The following NKX6-2 variants were observed in gnomAD, a reference collection of about 807,000 sequenced individuals.
NKX6-2 encodes the protein NK6 homeobox 2, also known as homeobox protein Nkx-6.2.
Under a neutral mutation model 19.9 loss-of-function variants are expected in NKX6-2, and 22 were observed. The observed-to-expected ratio is 1.10, with a 90% CI of 0.79 to 1.58. The LOEUF (loss-of-function observed/expected upper bound fraction) is 1.58, where lower values mean the gene tolerates loss of function less well. Among genes scored for constraint, NKX6-2 ranks in the 40% most tolerant of loss-of-function variants. The pLI, the probability that NKX6-2 is intolerant of heterozygous loss-of-function variation, is 0.00. For missense variants in NKX6-2, 475 were observed against 410.6 expected (o/e 1.16, Z -1.35); for synonymous variants, 257 against 204.0 (o/e 1.26, Z -2.21).
rs776578386 is a variant in NKX6-2, at chr10:132,785,375, C to T, written c.484G>A (p.Ala162Thr). 7.5e-6 allele frequency: 12 copies of T among 1,605,368 alleles called. No homozygotes were observed. In the African/African-American group the frequency reaches 1.2e-4, roughly 16 times the overall value. ...RPTFSGQQIF[A>T]LEKTFEQTKY... ...GTCTGCTCGAAGGTTTTCTCCAGCGCGAAGATCTGCTGGCCCGAGAAGGTC... is the reference window on the plus strand; with the variant it reads ...GTCTGCTCGAAGGTTTTCTCCAGCGTGAAGATCTGCTGGCCCGAGAAGGTC... Residue 162 changes from alanine to threonine, a missense_variant, in exon 2 of 3, where the codon GCG (alanine) becomes ACG (threonine). Physicochemically the swap from Ala to Thr is moderately conservative, Grantham distance 58 (BLOSUM62 0). Transcript: ENST00000368592. This position sits in a 1 kb window ranked among gnomAD's most constrained non-coding sequence, Gnocchi z 5.5.
At position 132,784,336 on chromosome 10, in the gene NKX6-2, A is replaced by G. The variant is rs550386238; in HGVS notation, c.*580T>C. On this transcript the variant is annotated 3_prime_UTR_variant, in exon 3 of 3. Transcript: ENST00000368592. ...CACCGGCTGAGCCCAGGGCGGGCCT[A>G]TGGGATCCGCTGATGCGCAGAGGGA... The G allele has an allele frequency of 2.6e-5, 4 of 152,436 alleles. No homozygotes were observed. Among genetic ancestry groups the G allele is most frequent in the Admixed American group, 2.0e-4 (3 of 15,294 alleles). The allele number at this position is 152,436 out of a possible 1,614,324, so 9.4% of individuals were successfully genotyped here. A position where few individuals can be genotyped will look rare whatever the true frequency, so the allele number is the denominator to read the frequency against.
rs536496660 is a variant in NKX6-2 at position 132,785,379 on chromosome 10, G to C, written c.480C>G (p.Ile160Met). The change falls in exon 2 of 3, where the codon ATC (isoleucine) becomes ATG (methionine). Residue 160 changes from isoleucine to methionine, a missense_variant. Physicochemically the swap from Ile to Met is conservative, Grantham distance 10 (BLOSUM62 1). Transcript: ENST00000368592. This position sits in a 1 kb window ranked among gnomAD's most constrained non-coding sequence, Gnocchi z 5.5. ...HSRPTFSGQQ[I>M]FALEKTFEQT... Reference sequence around the variant, plus strand: ...GCTCGAAGGTTTTCTCCAGCGCGAAGATCTGCTGGCCCGAGAAGGTCGGGC... The same window carrying C: ...GCTCGAAGGTTTTCTCCAGCGCGAACATCTGCTGGCCCGAGAAGGTCGGGC... The C allele has an allele frequency of 1.2e-6, 2 of 1,605,538 alleles. No individual in the cohort carries two copies. Among genetic ancestry groups the C allele is most frequent in the South Asian group, 1.1e-5 (1 of 90,148 alleles).
rs746458089 is a variant in NKX6-2 at position 132,785,438 on chromosome 10, C to T, written c.421G>A (p.Val141Ile). ...RLAGPAPAGG[V>I]LDKDGKKKHS... Reference sequence around the variant, plus strand: ...TTCTTCTTCCCGTCCTTGTCCAGGACGCCGCCGGCCGGGGCTGCAAGGGAG... The same window carrying T: ...TTCTTCTTCCCGTCCTTGTCCAGGATGCCGCCGGCCGGGGCTGCAAGGGAG... The change falls in exon 2 of 3, where the codon GTC (valine) becomes ATC (isoleucine). Residue 141 changes from valine to isoleucine, a missense_variant. Coordinates refer to ENST00000368592, the MANE Select transcript of NKX6-2 (RefSeq NM_177400.3). This position sits in a 1 kb window ranked among gnomAD's most constrained non-coding sequence, Gnocchi z 5.5. 2.0e-5 allele frequency: 31 copies of T among 1,585,028 alleles called. No homozygotes were observed. The African/African-American group carries it at 2.4e-4, about 12-fold the overall frequency.
In NKX6-2 at chr10:132,785,736, C is replaced by A; in HGVS notation, c.213G>T (p.Ala71=). The change falls in exon 1 of 3, where the codon GCG becomes GCT. Residue 71 remains alanine, a synonymous_variant. Coordinates refer to ENST00000368592, the MANE Select transcript of NKX6-2 (RefSeq NM_177400.3). This position sits in a 1 kb window ranked among gnomAD's most constrained non-coding sequence, Gnocchi z 5.5. ...GCAGCCCCCCCAGGAGGCCCCCGCC[C>A]GCCGCGCCCACGGGCCGGCCCAGGA... The part of the protein sequence containing the change: ...SDILGRPVGA[A]GGGLLGGLPR... The A allele has an allele frequency of 1.6e-6, 2 of 1,232,154 alleles. No individual in the cohort carries two copies. Among genetic ancestry groups the A allele is most frequent in the Non-Finnish European group, 1.0e-6 (1 of 989,872 alleles). The allele number at this position is 1,232,154 out of a possible 1,614,324, so 76.3% of individuals were successfully genotyped here.
rs1171602605 is a variant in NKX6-2 at position 132,786,080 on chromosome 10, GGCGGGCGGCTCC to G, written c.-144_-133del. 6.6e-6 allele frequency: 1 copy of G among 151,534 alleles called. No homozygotes were observed. 9.4% of individuals were successfully genotyped at this position (151,534 alleles called of 1,614,324 possible). A position where few individuals can be genotyped will look rare whatever the true frequency, so the allele number is the denominator to read the frequency against. On this transcript the variant is annotated 5_prime_UTR_variant, in exon 1 of 3. Coordinates refer to ENST00000368592, the MANE Select transcript of NKX6-2 (RefSeq NM_177400.3). ...CGCGGGGCGCGGGGCGCGGGGGGCG[GGCGGGCGGCTCC>G]GGCGCGGGGCGGGCGGGCGGGCGGC...
Position 132,785,222 on chromosome 10 carries a change from G to C in NKX6-2, c.580-52C>G, listed in dbSNP as rs1554961031. On this transcript the variant is annotated intron_variant, in intron 2 of 2. Transcript: ENST00000368592. The surrounding 1 kb of genome is among the most constrained non-coding windows in gnomAD (Gnocchi z 5.5). ...GCCGCGGGGCCCGGGGCTGGCGCTG[G>C]GGCCGTTCGCAGGACGCGGGCCCCC... is the stretch of plus-strand genomic sequence containing the variant. The C allele has an allele frequency of 1.3e-6, 2 of 1,582,172 alleles. No individual in the cohort carries two copies. The highest frequency in any genetic ancestry group is 1.7e-6 in the Non-Finnish European group (2 of 1,165,704).
Position 132,784,234 on chromosome 10 carries a change from G to A in NKX6-2, c.*682C>T, listed in dbSNP as rs967561417. 2.6e-5 allele frequency: 4 copies of A among 152,294 alleles called. No homozygotes were observed. The highest frequency in any genetic ancestry group is 4.8e-5 in the African/African-American group (2 of 41,478). 9.4% of individuals were successfully genotyped at this position (152,294 alleles called of 1,614,324 possible). A position where few individuals can be genotyped will look rare whatever the true frequency, so the allele number is the denominator to read the frequency against. On this transcript the variant is annotated 3_prime_UTR_variant, in exon 3 of 3. Transcript: ENST00000368592. ...TTCTCTTTGCGGTCCTAGTTCGGAA[G>A]AAACTGCTTTCCACCGCGGGAAGAT...
In NKX6-2 at chr10:132,785,727, GC is replaced by G; in HGVS notation, c.221del (p.Gly74AlafsTer114). The stretch of plus-strand genomic sequence containing the variant: ...TGAGCCGGGGCAGCCCCCCCAGGAG[GC>G]CCCCGCCCGCCGCGCCCACGGGCCG... The part of the protein sequence containing the change: ...LGRPVGAAGG[G>X]LLGGLPRLNG... On this transcript the variant is annotated frameshift_variant, in exon 1 of 3. Coordinates refer to ENST00000368592, the MANE Select transcript of NKX6-2 (RefSeq NM_177400.3). LOFTEE classifies it high-confidence loss of function. The surrounding 1 kb of genome is among the most constrained non-coding windows in gnomAD (Gnocchi z 5.5). The G allele has an allele frequency of 1.6e-6, 2 of 1,230,592 alleles. No homozygotes were observed. Among genetic ancestry groups the G allele is most frequent in the South Asian group, 3.4e-5 (1 of 29,322 alleles). The allele number at this position is 1,230,592 out of a possible 1,614,324, so 76.2% of individuals were successfully genotyped here.
Position 132,784,809 on chromosome 10 carries a change from C to T in NKX6-2, c.*107G>A, listed in dbSNP as rs2134705509. ...GGCGCAGGCTCCGGAGCGACGGCTC[C>T]GACGGGGACCCGTTAAATAATTTAT... is the stretch of plus-strand genomic sequence containing the variant. On this transcript the variant is annotated 3_prime_UTR_variant, in exon 3 of 3. Coordinates refer to ENST00000368592, the MANE Select transcript of NKX6-2 (RefSeq NM_177400.3). 4 of 848,298 alleles carry T rather than the reference C, an allele frequency of 4.7e-6. No homozygotes were observed. The highest frequency in any genetic ancestry group is 7.1e-4 in the Middle Eastern group (2 of 2,812). The allele number at this position is 848,298 out of a possible 1,614,324, so 52.5% of individuals were successfully genotyped here.
chr10:132,785,914 C>A lies in NKX6-2; in HGVS notation c.35G>T (p.Ser12Ile). ...DTNRPGAFVL[S>I]SAPLAALHNM... ...GTGCAGCGCGGCCAGCGGGGCACTG[C>A]TCAGCACGAACGCGCCCGGGCGGTT... The change falls in exon 1 of 3, where the codon AGC becomes ATC. Residue 12 changes from serine (S) to isoleucine (I), a missense_variant. Ser to Ile is a moderately radical substitution (Grantham distance 142). Coordinates refer to ENST00000368592, the MANE Select transcript of NKX6-2 (RefSeq NM_177400.3). This position sits in a 1 kb window ranked among gnomAD's most constrained non-coding sequence, Gnocchi z 5.5. 1 of 1,351,820 alleles carries A rather than the reference C, an allele frequency of 7.4e-7. No individual in the cohort carries two copies. The highest frequency in any genetic ancestry group is 9.8e-7 in the Non-Finnish European group (1 of 1,024,756). 83.7% of individuals were successfully genotyped at this position (1,351,820 alleles called of 1,614,324 possible).
In NKX6-2 at chr10:132,785,523, C is replaced by T. The variant is rs1847252993; in HGVS notation, c.406+20G>A. The stretch of plus-strand genomic sequence containing the variant: ...CCCTCCGCGCCCACCCGCCCCGCAC[C>T]CCCCGCGCGGGCCACTCACCCGGGC... On this transcript the variant is annotated intron_variant, in intron 1 of 2. Coordinates refer to ENST00000368592, the MANE Select transcript of NKX6-2 (RefSeq NM_177400.3). The surrounding 1 kb of genome is among the most constrained non-coding windows in gnomAD (Gnocchi z 5.5). The T allele has an allele frequency of 2.2e-6, 3 of 1,386,930 alleles. No individual in the cohort carries two copies. Among genetic ancestry groups the T allele is most frequent in the East Asian group, 3.0e-5 (1 of 33,492 alleles). 85.9% of individuals were successfully genotyped at this position (1,386,930 alleles called of 1,614,324 possible).
In NKX6-2 at chr10:132,785,883, CATGTT is replaced by C. The variant is rs1847259679; in HGVS notation, c.61_65del (p.Asn21GlyfsTer437). ...GGAACAGCGACGTCTTCATCTCGGC[CATGTT>C]GTGCAGCGCGGCCAGCGGGGCACTG... On this transcript the variant is annotated frameshift_variant, in exon 1 of 3. Coordinates refer to ENST00000368592, the MANE Select transcript of NKX6-2 (RefSeq NM_177400.3). LOFTEE classifies it high-confidence loss of function. The surrounding 1 kb of genome is among the most constrained non-coding windows in gnomAD (Gnocchi z 5.5). The C allele has an allele frequency of 2.1e-6, 3 of 1,395,686 alleles. No homozygotes were observed. The highest frequency in any genetic ancestry group is 4.5e-5 in the Admixed American group (2 of 44,566). 86.5% of individuals were successfully genotyped at this position (1,395,686 alleles called of 1,614,324 possible).
In NKX6-2 at chr10:132,784,954, C is replaced by T. The variant is rs1006895085; in HGVS notation, c.796G>A (p.Val266Ile). ...CCCGCGCCGCCGCCGCACGGGCTGA[C>T]CAGCGCCAAGTTCGAGGGTTTGTGC... The part of the protein sequence containing the change: ...KKHKPSNLAL[V>I]SPCGGGAGDA... Residue 266 changes from valine to isoleucine, a missense_variant, in exon 3 of 3, where the codon GTC (valine) becomes ATC (isoleucine). Coordinates refer to ENST00000368592, the MANE Select transcript of NKX6-2 (RefSeq NM_177400.3). 1.2e-6 allele frequency: 2 copies of T among 1,612,624 alleles called. No individual in the cohort carries two copies. The highest frequency in any genetic ancestry group is 2.7e-5 in the African/African-American group (2 of 74,932).
Position 132,784,945 on chromosome 10 carries a change from A to G in NKX6-2, c.805T>C (p.Cys269Arg). The change falls in exon 3 of 3, where the codon TGC (cysteine) becomes CGC (arginine). Residue 269 changes from cysteine to arginine, a missense_variant. Physicochemically the swap from Cys to Arg is radical, Grantham distance 180. Transcript: ENST00000368592. ...AAGGCGTCCCCCGCGCCGCCGCCGC[A>G]CGGGCTGACCAGCGCCAAGTTCGAG... is the stretch of plus-strand genomic sequence containing the variant. ...KPSNLALVSPCGGGAGDAL is the reference protein window; with the variant it reads ...KPSNLALVSPRGGGAGDAL 1.2e-6 allele frequency: 2 copies of G among 1,612,422 alleles called. No homozygotes were observed. Among genetic ancestry groups the G allele is most frequent in the Non-Finnish European group, 8.5e-7 (1 of 1,179,744 alleles).
chr10:132,785,649 C>T lies in NKX6-2; in HGVS notation c.300G>A (p.Ala100=). 2.4e-6 allele frequency: 3 copies of T among 1,247,666 alleles called. No individual in the cohort carries two copies. The highest frequency in any genetic ancestry group is 3.0e-6 in the Non-Finnish European group (3 of 998,056). The allele number at this position is 1,247,666 out of a possible 1,614,324, so 77.3% of individuals were successfully genotyped here. ...CGGCCAGGGGCTTGGGGTAGCCGCG[C>T]GCCACAGCGGCCGCGGGCCCGAAGT... ...GVYFGPAAAV[A]RGYPKPLAEL... is the part of the protein sequence containing the mutation. The change falls in exon 1 of 3, where the codon GCG becomes GCA. Residue 100 remains alanine (A), a synonymous_variant. Coordinates refer to ENST00000368592, the MANE Select transcript of NKX6-2 (RefSeq NM_177400.3). The surrounding 1 kb of genome is among the most constrained non-coding windows in gnomAD (Gnocchi z 5.5).
In NKX6-2 at chr10:132,783,546, G is replaced by A. The variant is rs1385688103; in HGVS notation, c.*1370C>T. Reference sequence around the variant, plus strand: ...CTTTGAAATGCTAACTCAGGGGAGCGGCCTCCTGTATAGCCTGTTATTTGA... The same window carrying A: ...CTTTGAAATGCTAACTCAGGGGAGCAGCCTCCTGTATAGCCTGTTATTTGA... On this transcript the variant is annotated 3_prime_UTR_variant, in exon 3 of 3. Coordinates refer to ENST00000368592, the MANE Select transcript of NKX6-2 (RefSeq NM_177400.3). 6.6e-6 allele frequency: 1 copy of A among 152,220 alleles called. No homozygotes were observed. The highest frequency in any genetic ancestry group is 1.5e-5 in the Non-Finnish European group (1 of 68,018). 9.4% of individuals were successfully genotyped at this position (152,220 alleles called of 1,614,324 possible). A position where few individuals can be genotyped will look rare whatever the true frequency, so the allele number is the denominator to read the frequency against.
Position 132,785,338 on chromosome 10 carries a change from G to T in NKX6-2, c.521C>A (p.Ala174Glu). 6.2e-7 allele frequency: 1 copy of T among 1,606,850 alleles called. No individual in the cohort carries two copies. The highest frequency in any genetic ancestry group is 8.5e-7 in the Non-Finnish European group (1 of 1,177,758). The change falls in exon 2 of 3, where the codon GCG (alanine) becomes GAG (glutamate). Residue 174 changes from alanine (A) to glutamate (E), a missense_variant. By Grantham distance (107) the Ala-to-Glu change is moderately radical. Coordinates refer to ENST00000368592, the MANE Select transcript of NKX6-2 (RefSeq NM_177400.3). This position sits in a 1 kb window ranked among gnomAD's most constrained non-coding sequence, Gnocchi z 5.5. ...GGCGAGACGCGCGCGCTCCGGGCCC[G>T]CCAGGTACTTGGTCTGCTCGAAGGT... ...EKTFEQTKYL[A>E]GPERARLAYS...
rs1291364012 is a variant in NKX6-2, at chr10:132,785,357, C to G, written c.502G>C (p.Glu168Gln). The G allele has an allele frequency of 2.5e-6, 4 of 1,605,938 alleles. No individual in the cohort carries two copies. Among genetic ancestry groups the G allele is most frequent in the Admixed American group, 1.7e-5 (1 of 59,586 alleles). ...GGGCCCGCCAGGTACTTGGTCTGCT[C>G]GAAGGTTTTCTCCAGCGCGAAGATC... ...QQIFALEKTF[E>Q]QTKYLAGPER... The change falls in exon 2 of 3, where the codon GAG (glutamate) becomes CAG (glutamine). Residue 168 changes from glutamate (E) to glutamine (Q), a missense_variant. Glu to Gln is a conservative substitution (Grantham distance 29, BLOSUM62 2). Coordinates refer to ENST00000368592, the MANE Select transcript of NKX6-2 (RefSeq NM_177400.3). This position sits in a 1 kb window ranked among gnomAD's most constrained non-coding sequence, Gnocchi z 5.5.
In NKX6-2 at chr10:132,783,431, G is replaced by C. The variant is rs1181381968; in HGVS notation, c.*1485C>G. On this transcript the variant is annotated 3_prime_UTR_variant, in exon 3 of 3. Transcript: ENST00000368592. ...TGTTGGTCGTTCTGAGGGGCCTTTG[G>C]AAGTGACCGGTCTGGTTCCTAAGCA... The C allele has an allele frequency of 6.6e-6, 1 of 152,466 alleles. No individual in the cohort carries two copies. Among genetic ancestry groups the C allele is most frequent in the African/African-American group, 2.4e-5 (1 of 41,452 alleles). The allele number at this position is 152,466 out of a possible 1,614,324, so 9.4% of individuals were successfully genotyped here. A position where few individuals can be genotyped will look rare whatever the true frequency, so the allele number is the denominator to read the frequency against.
Sources: allele counts gnomAD v4.1 joint callset, GRCh38; gene constraint gnomAD v4.1.1; non-coding constraint Gnocchi (gnomAD v3.1); transcripts MANE v1.5; gene names NCBI Gene and HGNC (gene_info 2026-07-23, HGNC 2026-07-21).